The following SLIT3 variants were observed in gnomAD, a reference collection of about 807,000 sequenced individuals.
The protein encoded by SLIT3 is slit guidance ligand 3, also known as slit homolog 3 protein.
Under a neutral mutation model 184.0 loss-of-function variants are expected in SLIT3, and 68 were observed. That is an observed-to-expected ratio of 0.37 (90% CI 0.30 to 0.45). SLIT3 has a LOEUF of 0.45. SLIT3 is among the 20% of genes least tolerant of loss of function. SLIT3 has a pLI of 1.00. For missense variants in SLIT3, 1,707 were observed against 2,026.0 expected, an observed-to-expected ratio of 0.84 and a Z score of 3.02; for synonymous variants, 831 against 828.6, an observed-to-expected ratio of 1.00 and a Z score of -0.05.
At chr5:169,241,902 C>A (rs1246367903) in intron 3 of SLIT3, among the ~76,000 whole-genome samples, 1 of 152,014 alleles carries the variant, frequency 6.6e-6, no homozygotes, top group Non-Finnish European at 1.5e-5. Flanking sequence ...CCCAGGAAGA[C>A]CCAAGAGAAC....
intron 3 of SLIT3, among the ~76,000 whole-genome samples, chr5:169,216,326 G>T (rs548023753): frequency 3.9e-4 from 60 of 152,224 alleles, no homozygotes; most frequent in Admixed American, 3.9e-3. Flanking sequence ...TCTGCTCTGG[G>T]CCCCAGTGAC....
At chr5:168,883,190 CA>C (rs779367661) in intron 5 of SLIT3, 74 bp downstream of exon 5, 54 of 1,200,536 alleles carry the variant, frequency 4.5e-5, no homozygotes, top group Admixed American at 1.0e-4. Flanking sequence ...CCTCTTGTCC[CA>C]TCCCTCACCC....
At chr5:168,931,893 T>C (rs2113165474) in intron 4 of SLIT3, among the ~76,000 whole-genome samples, 1 of 152,260 alleles carries the variant, frequency 6.6e-6, no homozygotes, top group South Asian at 2.1e-4. Context: ...CTGTGTCACG[T>C]ACCCAAGAGC....
intron 9 of SLIT3, among the ~76,000 whole-genome samples, chr5:168,797,835 G>A (rs1051719525): frequency 3.9e-5 from 6 of 152,204 alleles, no homozygotes; most frequent in Non-Finnish European, 7.3e-5. Flanking sequence ...CAAAGTGACA[G>A]GGCCAGGAAC....
intron 1 of SLIT3, among the ~76,000 whole-genome samples, chr5:169,262,439 C>T (rs190648358): frequency 2.2e-4 from 34 of 152,158 alleles, no homozygotes; most frequent in African/African-American, 7.0e-4. Context: ...TGAAGGGAGA[C>T]GTTTCCAGGT....
chr5:168,964,793 G>A (rs1188280124), intron 4 of SLIT3, among the ~76,000 whole-genome samples: 1 of 152,178 alleles, frequency 6.6e-6, no homozygotes, highest in Non-Finnish European at 1.5e-5. Flanking sequence ...TAAGCAAAGG[G>A]ACCCCTTTGC....
chr5:169,224,647 C>T (rs1338372762), intron 3 of SLIT3, among the ~76,000 whole-genome samples: 1 of 152,074 alleles, frequency 6.6e-6, no homozygotes, highest in Non-Finnish European at 1.5e-5. Flanking sequence ...GGATTACAGA[C>T]ATGAGCCACT....
chr5:169,062,210 A>G (rs978511964), intron 4 of SLIT3, among the ~76,000 whole-genome samples: 1 of 152,150 alleles, frequency 6.6e-6, no homozygotes, highest in Admixed American at 6.5e-5. Context: ...CATAAATAAA[A>G]AATAAAGAAT....
chr5:168,946,488 T>C (rs947216442), intron 4 of SLIT3, among the ~76,000 whole-genome samples: 5 of 152,216 alleles, frequency 3.3e-5, no homozygotes, highest in African/African-American at 1.2e-4. Context: ...GGGCAGCGGC[T>C]GTTAGGGAGG....
intron 4 of SLIT3, among the ~76,000 whole-genome samples, chr5:169,125,094 C>T (rs1404451613): frequency 6.6e-6 from 1 of 152,000 alleles, no homozygotes; most frequent in African/African-American, 2.4e-5. Flanking sequence ...TGTCGCCAGG[C>T]TACAGTGCAG....
chr5:168,844,526 C>A, intron 6 of SLIT3, 58 bp downstream of exon 6: 20 of 1,485,952 alleles, frequency 1.3e-5, no homozygotes, highest in Non-Finnish European at 1.8e-5. Flanking sequence ...CACACAGACA[C>A]ACACACATAC....
rs574849228 is a variant in SLIT3 at position 168,753,481 on chromosome 5, G to A, written c.1829+383C>T. Among the ~76,000 whole-genome samples the A allele has an allele frequency of 2.0e-5, 3 of 152,332 alleles. No individual in the cohort carries two copies. In the South Asian group the frequency reaches 6.2e-4, roughly 32 times the overall value. ...TGTGTCTGTGCCTGTTTGTATATAT[G>A]TTTATGTGCATGTTGCACGTGTCTG... On this transcript the variant is annotated intron_variant, in intron 17 of 35. Coordinates refer to ENST00000519560, the MANE Select transcript of SLIT3 (RefSeq NM_003062.4).
chr5:169,261,493 C>G (rs1766174599), intron 1 of SLIT3, among the ~76,000 whole-genome samples: 1 of 151,888 alleles, frequency 6.6e-6, no homozygotes, highest in Non-Finnish European at 1.5e-5. Context: ...CTCCCTCTCT[C>G]TCCTTTCCTT....
At chr5:168,845,991 C>G (rs1356295198) in intron 5 of SLIT3, among the ~76,000 whole-genome samples, 1 of 152,180 alleles carries the variant, frequency 6.6e-6, no homozygotes, top group Admixed American at 6.5e-5. Flanking sequence ...AAAGACATGT[C>G]AAAGCTACCT....
chr5:169,212,790 C>T (rs1764310054), intron 3 of SLIT3, among the ~76,000 whole-genome samples: 2 of 152,102 alleles, frequency 1.3e-5, no homozygotes, highest in South Asian at 4.1e-4. Context: ...TTAATTTTTG[C>T]TTAAGTCTTT....
intron 26 of SLIT3, among the ~76,000 whole-genome samples, chr5:168,703,403 G>A (rs542253118): frequency 2.0e-5 from 3 of 152,180 alleles, no homozygotes; most frequent in South Asian, 2.1e-4. Flanking sequence ...CAGATGGGGC[G>A]GGAGCATTAC....
At chr5:168,944,401 C>G (rs1351446271) in intron 4 of SLIT3, among the ~76,000 whole-genome samples, 2 of 152,154 alleles carry the variant, frequency 1.3e-5, no homozygotes, top group East Asian at 3.9e-4. Context: ...TAAAGAAATG[C>G]AGACTTCTGA....
intron 5 of SLIT3, among the ~76,000 whole-genome samples, chr5:168,882,329 T>C (rs1014251834): frequency 6.6e-6 from 1 of 152,124 alleles, no homozygotes; most frequent in Non-Finnish European, 1.5e-5. Flanking sequence ...AGGCAGAAAA[T>C]TCAAGGCATA....
intron 4 of SLIT3, among the ~76,000 whole-genome samples, chr5:169,138,586 G>T (rs1011318872): frequency 1.3e-5 from 2 of 152,180 alleles, no homozygotes; most frequent in East Asian, 3.8e-4. Context: ...AAGATTAAAT[G>T]AGATAATGTC....
Sources: gnomAD v4.1 joint callset for allele counts (sites outside exome capture counted in the v4.1 genomes callset) on GRCh38, gnomAD v4.1.1 for gene constraint, MANE v1.5 for transcripts, NCBI Gene and HGNC (gene_info 2026-07-23, HGNC 2026-07-21) for gene names.